Variants in WDR64 observed in about 807,000 individuals in gnomAD.
WDR64 encodes the protein WD repeat-containing protein 64.
In WDR64, 112 loss-of-function variants were observed where a neutral mutation model predicts 139.3. The observed-to-expected ratio is 0.80, with a 90% CI of 0.69 to 0.94. The LOEUF (loss-of-function observed/expected upper bound fraction) is 0.94, where lower values mean the gene tolerates loss of function less well. WDR64 is among the 40% of genes least tolerant of loss of function. The pLI, the probability that WDR64 is intolerant of heterozygous loss-of-function variation, is 0.00. For synonymous variants in WDR64, 444 were observed against 437.7 expected (o/e 1.01, Z -0.18); for missense variants, 1,206 against 1,293.1 (o/e 0.93, Z 1.03).
At chr1:241,799,938 C>A (rs1455373626) in intron 27 of WDR64, among the ~76,000 whole-genome samples, 1 of 152,066 alleles carries the variant, frequency 6.6e-6, no homozygotes, top group Non-Finnish European at 1.5e-5. Flanking sequence ...AATTTTTCCC[C>A]TAAAAAGTCA....
chr1:241,715,170 G>C (rs1026779411), intron 9 of WDR64, among the ~76,000 whole-genome samples: 4 of 152,188 alleles, frequency 2.6e-5, no homozygotes, highest in African/African-American at 9.7e-5. Flanking sequence ...TAGGGAGCAA[G>C]TTTCTTGATA....
chr1:241,738,071 TC>T (rs1669392955), intron 10 of WDR64, among the ~76,000 whole-genome samples: 3 of 152,134 alleles, frequency 2.0e-5, no homozygotes, highest in Non-Finnish European at 2.9e-5. Flanking sequence ...TCCTCCACAT[TC>T]TTAAAGAGTA....
intron 14 of WDR64, among the ~76,000 whole-genome samples, chr1:241,752,270 G>A (rs1670008627): frequency 6.6e-6 from 1 of 152,146 alleles, no homozygotes; most frequent in Admixed American, 6.5e-5. Flanking sequence ...GAGATGAAAT[G>A]TAGAAAATAA....
At chr1:241,785,488 A>ATCAC (rs1659003389) in intron 23 of WDR64, among the ~76,000 whole-genome samples, 1 of 152,312 alleles carries the variant, frequency 6.6e-6, no homozygotes, top group African/African-American at 2.4e-5. Flanking sequence ...TCACATCAAT[A>ATCAC]TCACCACTTC....
chr1:241,695,567 A>C (rs1558476643), intron 8 of WDR64, among the ~76,000 whole-genome samples: 1 of 152,214 alleles, frequency 6.6e-6, no homozygotes, highest in Non-Finnish European at 1.5e-5. Context: ...AGTAGAAGTT[A>C]AGAAAAGGGA....
At chr1:241,661,981 A>G (rs1665851276) in intron 2 of WDR64, among the ~76,000 whole-genome samples, 1 of 152,186 alleles carries the variant, frequency 6.6e-6, no homozygotes, top group Admixed American at 6.5e-5. Context: ...TAAAATATTT[A>G]CTACCTAGCC....
chr1:241,795,337 T>G, intron 26 of WDR64, 50 bp downstream of exon 26: 1 of 1,511,642 alleles, frequency 6.6e-7, no homozygotes, highest in South Asian at 1.2e-5. Context: ...GTAGAGAATC[T>G]GCCATCTCAT....
intron 9 of WDR64, 85 bp downstream of exon 9, chr1:241,711,966 T>G (rs1157075349): frequency 1.6e-6 from 2 of 1,275,648 alleles, no homozygotes; most frequent in Non-Finnish European, 2.2e-6. Flanking sequence ...AAGAACACAT[T>G]AGGGAATTTA....
At chr1:241,667,240 AATT>A (rs952393099) in intron 2 of WDR64, among the ~76,000 whole-genome samples, 3 of 152,184 alleles carry the variant, frequency 2.0e-5, no homozygotes, top group Admixed American at 1.3e-4. Flanking sequence ...ATTCTCTGAA[AATT>A]ATTATTTCAC....
chr1:241,767,209 C>T (rs1008720899), intron 16 of WDR64, among the ~76,000 whole-genome samples: 2 of 152,212 alleles, frequency 1.3e-5, no homozygotes, highest in African/African-American at 4.8e-5. Context: ...CACCTCAACA[C>T]GTCTGATTTA....
At chr1:241,679,676 T>C in intron 6 of WDR64, 81 bp downstream of exon 6, 3 of 1,159,448 alleles carry the variant, frequency 2.6e-6, no homozygotes, top group East Asian at 2.6e-5. Flanking sequence ...ACTTTCTCTA[T>C]TGAACATCAG....
intron 3 of WDR64, among the ~76,000 whole-genome samples, chr1:241,672,104 G>T (rs1315503908): frequency 2.0e-5 from 3 of 152,154 alleles, no homozygotes; most frequent in Non-Finnish European, 2.9e-5. Context: ...GAACTCCAGA[G>T]GTGGAGATTG....
At chr1:241,708,699 TTTTTG>T (rs1433549708) in intron 8 of WDR64, among the ~76,000 whole-genome samples, 1 of 59,764 alleles carries the variant, frequency 1.7e-5, no homozygotes, top group African/African-American at 7.7e-5. Flanking sequence ...ATGGTTTTTT[TTTTTG>T]TTTTTTTGTT....
intron 8 of WDR64, among the ~76,000 whole-genome samples, chr1:241,698,863 T>TTA (rs1179031845): frequency 6.6e-6 from 1 of 152,166 alleles, no homozygotes. Context: ...ACTGGGTAAT[T>TTA]TATAAAGGAA....
In WDR64 at chr1:241,775,161, A is replaced by T; in HGVS notation, c.2487A>T (p.Thr829=). ...CAAAACATTCTGCCATTTCTCTGAC[A>T]TCGCTGTATACTGATTCATGTACGA... The part of the protein sequence containing the change: ...PFTKHSAISL[T]SLYTDSCTRI... The change falls in exon 21 of 28, where the codon ACA becomes ACT. Residue 829 remains threonine, a synonymous_variant. Transcript: ENST00000437684. 1 of 1,551,204 alleles carries T rather than the reference A, an allele frequency of 6.4e-7. No individual in the cohort carries two copies. The highest frequency in any genetic ancestry group is 2.4e-5 in the East Asian group (1 of 40,886).
intron 4 of WDR64, among the ~76,000 whole-genome samples, chr1:241,675,683 G>T (rs966629932): frequency 1.2e-4 from 18 of 152,202 alleles, no homozygotes; most frequent in African/African-American, 4.3e-4. Context: ...TCATTAAGTA[G>T]GGAGCTTAGT....
chr1:241,768,803 A>G (rs1479710919), intron 16 of WDR64, among the ~76,000 whole-genome samples: 1 of 152,188 alleles, frequency 6.6e-6, no homozygotes, highest in Admixed American at 6.5e-5. Context: ...TACAAAGTTC[A>G]GTGTTGACCT....
intron 8 of WDR64, among the ~76,000 whole-genome samples, chr1:241,692,004 C>A: frequency 6.7e-6 from 1 of 149,346 alleles, no homozygotes. Flanking sequence ...CAGAGCAAGA[C>A]TCCATCTCAA....
At chr1:241,691,478 T>G (rs952830253) in intron 8 of WDR64, among the ~76,000 whole-genome samples, 2 of 152,150 alleles carry the variant, frequency 1.3e-5, no homozygotes, top group African/African-American at 4.8e-5. Context: ...GGGTAAGATA[T>G]ACCATGCTAA....
Sources: allele counts gnomAD v4.1 joint callset (sites outside exome capture counted in the v4.1 genomes callset), GRCh38; gene constraint gnomAD v4.1.1; transcripts MANE v1.5; gene names NCBI Gene and HGNC (gene_info 2026-07-23, HGNC 2026-07-21).